DNAH14: variants seen among roughly 807,000 people sequenced by gnomAD.
DNAH14 encodes the protein dynein axonemal heavy chain 14.
Under a neutral mutation model 520.9 loss-of-function variants are expected in DNAH14, and 478 were observed. The observed-to-expected ratio is 0.92, with a 90% CI of 0.85 to 0.99. The LOEUF (loss-of-function observed/expected upper bound fraction) is 0.99, where lower values mean the gene tolerates loss of function less well. Ranked by LOEUF, DNAH14 falls within the 50% of genes least tolerant of loss-of-function variation. DNAH14 has a pLI of 0.00. For missense variants in DNAH14, 4,831 were observed against 5,234.5 expected (o/e 0.92, Z 2.38); for synonymous variants, 1,581 against 1,757.2 (o/e 0.90, Z 2.51).
At chr1:225,156,635 C>A (rs1425303488) in intron 34 of DNAH14, among the ~76,000 whole-genome samples, 6 of 151,724 alleles carry the variant, frequency 4.0e-5, no homozygotes, top group African/African-American at 1.5e-4. Context: ...GTCCCTGCAT[C>A]TCTCTGTCTC....
chr1:225,394,636 A>G (rs151217718), intron 84 of DNAH14, among the ~76,000 whole-genome samples: 1 of 152,268 alleles, frequency 6.6e-6, no homozygotes, highest in South Asian at 2.1e-4. Flanking sequence ...TGAGATCAGG[A>G]GTTCCAGACT....
intron 8 of DNAH14, among the ~76,000 whole-genome samples, chr1:224,977,296 A>T (rs575534327): frequency 2.3e-4 from 32 of 136,178 alleles, no homozygotes; most frequent in South Asian, 1.2e-3. Flanking sequence ...ATGAGAACAC[A>T]TGGACACAGG....
chr1:225,366,863 A>G (rs1219701180), intron 76 of DNAH14, among the ~76,000 whole-genome samples: 5 of 151,872 alleles, frequency 3.3e-5, no homozygotes, highest in Non-Finnish European at 1.5e-5. Context: ...CTCTTTCTCT[A>G]TCTCTGAAAA....
At chr1:225,166,016 A>G (rs1295287974) in intron 35 of DNAH14, among the ~76,000 whole-genome samples, 1 of 151,426 alleles carries the variant, frequency 6.6e-6, no homozygotes, top group East Asian at 2.0e-4. Flanking sequence ...ATTTATATTT[A>G]TATTTTGAGA....
chr1:225,101,203 T>C (rs1418514516), intron 23 of DNAH14, among the ~76,000 whole-genome samples: 1 of 151,950 alleles, frequency 6.6e-6, no homozygotes, highest in African/African-American at 2.4e-5. Context: ...GTTAATACTT[T>C]TTTAAAATAT....
chr1:225,107,584 A>C (rs1264228562), intron 23 of DNAH14, among the ~76,000 whole-genome samples: 1 of 152,172 alleles, frequency 6.6e-6, no homozygotes, highest in African/African-American at 2.4e-5. Flanking sequence ...GGAAGAAAAA[A>C]GGAAGAAGCT....
intron 27 of DNAH14, among the ~76,000 whole-genome samples, chr1:225,132,544 T>C (rs1486582555): frequency 1.3e-5 from 2 of 152,198 alleles, no homozygotes; most frequent in Non-Finnish European, 2.9e-5. Context: ...GCAAAGGACA[T>C]GATCTCATTC....
At chr1:225,098,297 C>T (rs2148708896) in intron 22 of DNAH14, among the ~76,000 whole-genome samples, 1 of 152,090 alleles carries the variant, frequency 6.6e-6, no homozygotes, top group South Asian at 2.1e-4. Flanking sequence ...TTAAAAAACA[C>T]CATACCATTC....
At chr1:225,078,282 G>GA (rs1305593713) in intron 17 of DNAH14, among the ~76,000 whole-genome samples, 8 of 152,010 alleles carry the variant, frequency 5.3e-5, no homozygotes, top group Non-Finnish European at 1.2e-4. Context: ...TGTGCAATTA[G>GA]AAAAAATACC....
At chr1:224,960,524 A>T (rs547526096) in intron 4 of DNAH14, among the ~76,000 whole-genome samples, 1 of 152,298 alleles carries the variant, frequency 6.6e-6, no homozygotes, top group Non-Finnish European at 1.5e-5. Context: ...GACTGTTCTT[A>T]ACTAAGAACA....
intron 20 of DNAH14, 36 bp downstream of exon 20, chr1:225,082,775 A>G (rs1252196168): frequency 6.6e-7 from 1 of 1,514,928 alleles, no homozygotes; most frequent in Non-Finnish European, 8.9e-7. Flanking sequence ...AATAGGTTGA[A>G]ATACCAGATG....
At chr1:225,059,623 G>A (rs192762079) in intron 17 of DNAH14, among the ~76,000 whole-genome samples, 11 of 152,164 alleles carry the variant, frequency 7.2e-5, no homozygotes, top group South Asian at 2.1e-4. Context: ...TCCTAGCCTC[G>A]ATGGTCTTTA....
rs1559017416 is a variant in DNAH14, at chr1:225,119,317, A to C, written c.4166+23A>C. On this transcript the variant is annotated intron_variant, in intron 26 of 85. Transcript: ENST00000682510. ...AAAGTAAGTACAATTTTCAAATCCT[A>C]AAATTATATATTTTATATATATACT... 6.1e-6 allele frequency: 9 copies of C among 1,464,726 alleles called. No homozygotes were observed. In the East Asian group the frequency reaches 2.3e-4, roughly 37 times the overall value. 90.7% of individuals were successfully genotyped at this position (1,464,726 alleles called of 1,614,324 possible). A position where few individuals can be genotyped will look rare whatever the true frequency, so the allele number is the denominator to read the frequency against.
At chr1:225,322,944 C>T in intron 62 of DNAH14, 121 bp downstream of exon 62, 1 of 1,042,240 alleles carries the variant, frequency 9.6e-7, no homozygotes, top group Non-Finnish European at 1.3e-6. Flanking sequence ...GAAAATAGCT[C>T]TATTCTTCCA....
At chr1:225,096,696 A>G (rs1326589732) in intron 21 of DNAH14, among the ~76,000 whole-genome samples, 1 of 152,206 alleles carries the variant, frequency 6.6e-6, no homozygotes, top group Non-Finnish European at 1.5e-5. Flanking sequence ...ATTTATATTT[A>G]TGTAATACAT....
At chr1:225,035,328 A>G (rs1226618665) in intron 11 of DNAH14, among the ~76,000 whole-genome samples, 1 of 151,980 alleles carries the variant, frequency 6.6e-6, no homozygotes, top group Non-Finnish European at 1.5e-5. Flanking sequence ...TAATGTGGCT[A>G]AAGGTTTATC....
intron 37 of DNAH14, among the ~76,000 whole-genome samples, chr1:225,191,203 G>A (rs565764683): frequency 6.6e-6 from 1 of 151,712 alleles, no homozygotes; most frequent in South Asian, 2.1e-4. Context: ...TTTCATTTGA[G>A]CCTGAAGCAT....
At chr1:225,066,969 G>T (rs1333620932) in intron 17 of DNAH14, among the ~76,000 whole-genome samples, 1 of 152,016 alleles carries the variant, frequency 6.6e-6, no homozygotes, top group Non-Finnish European at 1.5e-5. Context: ...GTGTACATGT[G>T]TCTTTTTTTA....
intron 54 of DNAH14, among the ~76,000 whole-genome samples, chr1:225,278,948 A>T (rs1205566105): frequency 6.6e-6 from 1 of 152,082 alleles, no homozygotes; most frequent in Non-Finnish European, 1.5e-5. Context: ...CAAATTCCTG[A>T]TTCCTCTGAT....
Sources: gnomAD v4.1 joint callset for allele counts (sites outside exome capture counted in the v4.1 genomes callset) on GRCh38, gnomAD v4.1.1 for gene constraint, MANE v1.5 for transcripts, NCBI Gene and HGNC (gene_info 2026-07-23, HGNC 2026-07-21) for gene names.